Variants in RSRC1 observed in about 807,000 individuals in gnomAD.
RSRC1 encodes the protein serine/Arginine-related protein 53.
A neutral mutation model predicts 49.1 loss-of-function variants in RSRC1; 39 were observed. That is an observed-to-expected ratio of 0.79 (90% CI 0.61 to 1.04). The LOEUF is 1.04. Ranked by LOEUF, RSRC1 falls within the 50% of genes least tolerant of loss-of-function variation. The probability of loss-of-function intolerance (pLI) is 0.00; values close to 1 mark genes in which losing one functional copy is unlikely to be tolerated. For missense variants in RSRC1, 388 were observed against 402.4 expected (o/e 0.96, Z 0.31); for synonymous variants, 143 against 130.8 (o/e 1.09, Z -0.63).
chr3:158,111,715 C>A (rs1266683638), intron 1 of RSRC1, among the ~76,000 whole-genome samples: 4 of 152,098 alleles, frequency 2.6e-5, no homozygotes, highest in Admixed American at 6.6e-5. Context: ...CTTTTTCTGG[C>A]CATGTGTCCA....
At chr3:158,425,395 T>G (rs968724165) in intron 6 of RSRC1, among the ~76,000 whole-genome samples, 10 of 152,214 alleles carry the variant, frequency 6.6e-5, no homozygotes, top group African/African-American at 1.9e-4. Flanking sequence ...CAGTTTTGAG[T>G]GAGTTTCGTA....
intron 5 of RSRC1, among the ~76,000 whole-genome samples, chr3:158,346,319 GA>G (rs1295457960): frequency 4.0e-5 from 6 of 151,892 alleles, no homozygotes; most frequent in Non-Finnish European, 2.9e-5. Context: ...CTCTTAAAAA[GA>G]AAAAGAAGGA....
intron 7 of RSRC1, among the ~76,000 whole-genome samples, chr3:158,480,686 A>G (rs2108435419): frequency 6.6e-6 from 1 of 152,158 alleles, no homozygotes; most frequent in Non-Finnish European, 1.5e-5. Context: ...TGACTATCAC[A>G]CATGAAGAAT....
chr3:158,417,924 A>G (rs1310680421), intron 6 of RSRC1, among the ~76,000 whole-genome samples: 2 of 151,918 alleles, frequency 1.3e-5, no homozygotes, highest in East Asian at 3.9e-4. Context: ...ATATCAGAAG[A>G]GCCTATCAAA....
intron 1 of RSRC1, among the ~76,000 whole-genome samples, chr3:158,112,662 A>G (rs1369595669): frequency 6.6e-6 from 1 of 152,076 alleles, no homozygotes; most frequent in Non-Finnish European, 1.5e-5. Flanking sequence ...CTAAGGAAGG[A>G]TTTATTTTAA....
At chr3:158,407,659 A>G (rs1488936426) in intron 6 of RSRC1, among the ~76,000 whole-genome samples, 1 of 152,204 alleles carries the variant, frequency 6.6e-6, no homozygotes, top group South Asian at 2.1e-4. Flanking sequence ...TAAAGGAGAC[A>G]GATTTAAGTT....
chr3:158,508,362 T>C (rs1180402623), intron 7 of RSRC1, among the ~76,000 whole-genome samples: 1 of 152,050 alleles, frequency 6.6e-6, no homozygotes, highest in African/African-American at 2.4e-5. Flanking sequence ...TGTGTGTGTC[T>C]CTGTATGTCA....
intron 3 of RSRC1, among the ~76,000 whole-genome samples, chr3:158,190,858 G>A (rs533008388): frequency 1.3e-5 from 2 of 152,016 alleles, no homozygotes; most frequent in East Asian, 1.9e-4. Flanking sequence ...TGAAGATTTC[G>A]TATGGCTTTA....
intron 6 of RSRC1, among the ~76,000 whole-genome samples, chr3:158,397,395 A>G (rs151247123): frequency 2.0e-5 from 3 of 152,266 alleles, no homozygotes; most frequent in Non-Finnish European, 2.9e-5. Flanking sequence ...TGTTTATATT[A>G]TACTGTTTTA....
rs543621834 is a variant in RSRC1, at chr3:158,194,149, C to A, written c.321-8923C>A. 3.3e-4 allele frequency among the ~76,000 whole-genome samples: 50 copies of A among 151,800 alleles called. No homozygotes were observed. In the South Asian group the frequency reaches 0.01, roughly 31 times the overall value. On this transcript the variant is annotated intron_variant, in intron 3 of 9. Transcript: ENST00000611884. ...TGGTGGCACAGCTGTAGTCCCACAT[C>A]TGTAGTCCCAGCTACTTGGGAAGCT...
chr3:158,358,326 G>T (rs1477433988), intron 6 of RSRC1, among the ~76,000 whole-genome samples: 2 of 152,016 alleles, frequency 1.3e-5, no homozygotes, highest in Non-Finnish European at 2.9e-5. Context: ...TAATTTTTTT[G>T]TATTTATCCC....
intron 6 of RSRC1, among the ~76,000 whole-genome samples, chr3:158,434,582 G>GAC (rs1459977925): frequency 6.6e-6 from 1 of 151,942 alleles, no homozygotes; most frequent in African/African-American, 2.4e-5. Flanking sequence ...AGAAGAAGCA[G>GAC]ACAGATACAT....
At chr3:158,419,820 CAAAA>C (rs10574446) in intron 6 of RSRC1, among the ~76,000 whole-genome samples, 12 of 134,422 alleles carry the variant, frequency 8.9e-5, no homozygotes, top group Non-Finnish European at 1.1e-4. Flanking sequence ...TTAAATCTAG[CAAAA>C]AAAAAAAAAA....
At chr3:158,367,745 T>C (rs1731852946) in intron 6 of RSRC1, among the ~76,000 whole-genome samples, 1 of 152,162 alleles carries the variant, frequency 6.6e-6, no homozygotes, top group Non-Finnish European at 1.5e-5. Flanking sequence ...TTTAGTTGAC[T>C]TGGACATTAG....
intron 8 of RSRC1, among the ~76,000 whole-genome samples, chr3:158,541,846 T>G (rs1713049282): frequency 6.6e-6 from 1 of 152,118 alleles, no homozygotes; most frequent in Non-Finnish European, 1.5e-5. Context: ...CCTTCTTTCT[T>G]AGGGAAGAAG....
intron 3 of RSRC1, among the ~76,000 whole-genome samples, chr3:158,168,574 G>T (rs1273525231): frequency 6.6e-6 from 1 of 152,004 alleles, no homozygotes; most frequent in African/African-American, 2.4e-5. Context: ...AAAACACTTT[G>T]GTAAAGTTTT....
rs1205396334 is a variant in RSRC1, at chr3:158,544,675, A to G, written c.*400A>G. 2 of 152,940 alleles carry G rather than the reference A, an allele frequency of 1.3e-5. No individual in the cohort carries two copies. The highest frequency in any genetic ancestry group is 4.8e-5 in the African/African-American group (2 of 41,488). 9.5% of individuals were successfully genotyped at this position (152,940 alleles called of 1,614,324 possible). A position where few individuals can be genotyped will look rare whatever the true frequency, so the allele number is the denominator to read the frequency against. ...TATGAGATTTCATCTTCCGTATGGT[A>G]TTCAACCATTTTTAAATATTTTATT... On this transcript the variant is annotated 3_prime_UTR_variant, in exon 10 of 10. Transcript: ENST00000611884.
chr3:158,188,132 C>G (rs1490755559), intron 3 of RSRC1, among the ~76,000 whole-genome samples: 1 of 151,856 alleles, frequency 6.6e-6, no homozygotes, highest in Non-Finnish European at 1.5e-5. Flanking sequence ...TAATACTTGA[C>G]TCTATGCAAT....
At chr3:158,121,330 CATACA>C (rs1240390990) in intron 1 of RSRC1, among the ~76,000 whole-genome samples, 1 of 152,014 alleles carries the variant, frequency 6.6e-6, no homozygotes, top group Non-Finnish European at 1.5e-5. Context: ...GTAATATACA[CATACA>C]AATGTGGATG....
Sources: allele counts gnomAD v4.1 joint callset (sites outside exome capture counted in the v4.1 genomes callset), GRCh38; gene constraint gnomAD v4.1.1; transcripts MANE v1.5; gene names NCBI Gene and HGNC (gene_info 2026-07-23, HGNC 2026-07-21).